The following SLC1A1 variants were observed in gnomAD, a reference collection of about 807,000 sequenced individuals.
The protein encoded by SLC1A1 is solute carrier family 1 member 1, also known as excitatory amino acid transporter 3.
A neutral mutation model predicts 53.3 loss-of-function variants in SLC1A1; 43 were observed. The ratio of observed to expected loss-of-function variants is 0.81; its 90% CI spans 0.63 to 1.04. The LOEUF is 1.04. Ranked by LOEUF, SLC1A1 falls within the 50% of genes least tolerant of loss-of-function variation. The pLI, the probability that SLC1A1 is intolerant of heterozygous loss-of-function variation, is 0.00. For missense variants in SLC1A1, 748 were observed against 664.9 expected (o/e 1.12, Z -1.37); for synonymous variants, 307 against 243.2 (o/e 1.26, Z -2.44).
At chr9:4,531,952 G>C (rs1816487949) in intron 1 of SLC1A1, among the ~76,000 whole-genome samples, 4 of 152,180 alleles carry the variant, frequency 2.6e-5, no homozygotes, top group Non-Finnish European at 5.9e-5. Flanking sequence ...AGAGGGTCTG[G>C]AGTGGACCTC....
rs1165660376 is a variant in SLC1A1 at position 4,572,307 on chromosome 9, T to C, written c.686T>C (p.Met229Thr). 3.1e-6 allele frequency: 5 copies of C among 1,613,978 alleles called. No homozygotes were observed. The highest frequency in any genetic ancestry group is 8.5e-7 in the Non-Finnish European group (1 of 1,179,982). Residue 229 changes from methionine to threonine, a missense_variant, in exon 7 of 12, where the codon ATG (methionine) becomes ACG (threonine). Coordinates refer to ENST00000262352, the MANE Select transcript of SLC1A1 (RefSeq NM_004170.6). ...GTCTTTGGACTTGTCATTGGAAAAA[T>C]GGGAGAAAAGGGACAAATTCTGGTG... The part of the protein sequence containing the change: ...CLVFGLVIGK[M>T]GEKGQILVDF...
intron 4 of SLC1A1, among the ~76,000 whole-genome samples, chr9:4,565,488 G>A (rs547358863): frequency 4.6e-5 from 7 of 152,268 alleles, no homozygotes; most frequent in African/African-American, 1.4e-4. Context: ...GGGGAAGCAA[G>A]GCACATCTTA....
intron 6 of SLC1A1, among the ~76,000 whole-genome samples, chr9:4,568,029 C>T (rs1027839927): frequency 6.6e-6 from 1 of 152,172 alleles, no homozygotes; most frequent in Non-Finnish European, 1.5e-5. Context: ...TGCTTTCTTG[C>T]TTTGATTCTC....
intron 1 of SLC1A1, among the ~76,000 whole-genome samples, chr9:4,541,450 T>G (rs1225394276): frequency 3.9e-5 from 6 of 152,226 alleles, no homozygotes; most frequent in African/African-American, 1.4e-4. Flanking sequence ...CTTTCCAATT[T>G]AAAAGCAAGT....
rs1817767190 is a variant in SLC1A1 at position 4,549,680 on chromosome 9, T to C, written c.232+4973T>C. ...CTGGAGTGACCTCTTCCTGGGATGC[T>C]TGCCATTGTGGAATATCCACTTCAG... On this transcript the variant is annotated intron_variant, in intron 2 of 11. Transcript: ENST00000262352. This position sits in a 1 kb window ranked among gnomAD's most constrained non-coding sequence, Gnocchi z 4.1. Among the ~76,000 whole-genome samples the C allele has an allele frequency of 6.6e-6, 1 of 152,166 alleles. No individual in the cohort carries two copies.
At chr9:4,572,163 A>G in intron 6 of SLC1A1, 41 bp from the exon 7 acceptor site, 1 of 1,539,982 alleles carries the variant, frequency 6.5e-7, no homozygotes, top group African/African-American at 1.4e-5. Flanking sequence ...TAACAAGATT[A>G]TAATCGTGCA....
intron 1 of SLC1A1, among the ~76,000 whole-genome samples, chr9:4,505,631 G>A (rs1011956333): frequency 6.6e-6 from 1 of 152,060 alleles, no homozygotes; most frequent in East Asian, 1.9e-4. Context: ...TTTAATTACT[G>A]TGAAATTCTT....
chr9:4,498,807 AATATAT>A (rs202051563), intron 1 of SLC1A1, among the ~76,000 whole-genome samples: 1 of 149,628 alleles, frequency 6.7e-6, no homozygotes, highest in Non-Finnish European at 1.5e-5. Context: ...TCTGCAAAAA[AATATAT>A]ATATATGTGT....
At chr9:4,498,827 T>G (rs981522663) in intron 1 of SLC1A1, among the ~76,000 whole-genome samples, 3 of 149,858 alleles carry the variant, frequency 2.0e-5, no homozygotes, top group Non-Finnish European at 4.4e-5. Context: ...TATGTGTGTG[T>G]GTGTGTATAT....
chr9:4,552,234 G>C (rs1207493736), intron 2 of SLC1A1, among the ~76,000 whole-genome samples: 2 of 152,154 alleles, frequency 1.3e-5, no homozygotes. Context: ...GGCTCTGCTA[G>C]ACACACAAGG....
At chr9:4,561,037 T>A (rs1818888994) in intron 2 of SLC1A1, among the ~76,000 whole-genome samples, 2 of 151,998 alleles carry the variant, frequency 1.3e-5, no homozygotes, top group South Asian at 4.1e-4. Context: ...ACAAACGATC[T>A]CAGTTCTTTG....
chr9:4,536,208 C>A (rs1420312814), intron 1 of SLC1A1, among the ~76,000 whole-genome samples: 1 of 152,110 alleles, frequency 6.6e-6, no homozygotes, highest in Admixed American at 6.5e-5. Flanking sequence ...TCTCATTAAA[C>A]CAAAGAGCTT....
rs1274971446 is a variant in SLC1A1, at chr9:4,586,022, G to A, written c.*464G>A. 1 of 173,426 alleles carries A rather than the reference G, an allele frequency of 5.8e-6. No homozygotes were observed. Among genetic ancestry groups the A allele is most frequent in the African/African-American group, 2.4e-5 (1 of 41,472 alleles). The allele number at this position is 173,426 out of a possible 1,614,324, so 10.7% of individuals were successfully genotyped here. On this transcript the variant is annotated 3_prime_UTR_variant, in exon 12 of 12. Coordinates refer to ENST00000262352, the MANE Select transcript of SLC1A1 (RefSeq NM_004170.6). The stretch of plus-strand genomic sequence containing the variant: ...AAATTATAATGCATCTAAACCACCT[G>A]TCCCCAGTTAATGTGCCAAAATGTC...
chr9:4,559,701 G>A (rs971826401), intron 2 of SLC1A1: 1 of 152,122 alleles, frequency 6.6e-6, no homozygotes. Context: ...CTTTGCAAAT[G>A]GTTATGGGAC....
At chr9:4,537,536 G>A (rs1167318669) in intron 1 of SLC1A1, among the ~76,000 whole-genome samples, 4 of 39,158 alleles carry the variant, frequency 1.0e-4, no homozygotes, top group East Asian at 2.8e-4. Flanking sequence ...TCCACAGTCC[G>A]GCCTGGGCGA....
chr9:4,527,710 G>A (rs74459579), intron 1 of SLC1A1, among the ~76,000 whole-genome samples: 3,389 of 152,018 alleles, frequency 0.022, 130 homozygotes, highest in African/African-American at 0.078. Flanking sequence ...ATGTCTATGC[G>A]AACATCTCTA....
intron 1 of SLC1A1, among the ~76,000 whole-genome samples, chr9:4,543,569 A>G (rs1462196415): frequency 1.3e-5 from 2 of 152,116 alleles, no homozygotes; most frequent in African/African-American, 2.4e-5. Flanking sequence ...AGAGAATGGT[A>G]ACATTTCTTA....
At chr9:4,551,387 C>G (rs187035004) in intron 2 of SLC1A1, among the ~76,000 whole-genome samples, 1 of 152,016 alleles carries the variant, frequency 6.6e-6, no homozygotes, top group African/African-American at 2.4e-5. Context: ...TAACAGAAAA[C>G]CAGGTATAAG....
intron 1 of SLC1A1, among the ~76,000 whole-genome samples, chr9:4,505,969 GCC>G (rs1820795102): frequency 1.3e-5 from 2 of 152,098 alleles, no homozygotes; most frequent in African/African-American, 4.8e-5. Flanking sequence ...GATTACAGGT[GCC>G]CACCACCACG....
Sources: allele counts gnomAD v4.1 joint callset (sites outside exome capture counted in the v4.1 genomes callset), GRCh38; gene constraint gnomAD v4.1.1; non-coding constraint Gnocchi (gnomAD v3.1); transcripts MANE v1.5; gene names NCBI Gene and HGNC (gene_info 2026-07-23, HGNC 2026-07-21).